CLCF1: variants seen among roughly 807,000 people sequenced by gnomAD.
CLCF1 encodes cardiotrophin-like cytokine factor 1.
CLCF1 carries 10 observed loss-of-function variants against 21.2 expected under a neutral mutation model. The observed-to-expected ratio is 0.47, with a 90% CI of 0.29 to 0.80. The LOEUF (loss-of-function observed/expected upper bound fraction) is 0.80, where lower values mean the gene tolerates loss of function less well. CLCF1 is among the 30% of genes least tolerant of loss of function. The pLI is 0.09. For synonymous variants in CLCF1, 115 were observed against 120.5 expected, an observed-to-expected ratio of 0.95 and a Z score of 0.30; for missense variants, 240 against 293.4, an observed-to-expected ratio of 0.82 and a Z score of 1.33.
intron 2 of CLCF1, among the ~76,000 whole-genome samples, chr11:67,366,044 A>C (rs542749530): frequency 6.6e-6 from 1 of 152,296 alleles, no homozygotes; most frequent in South Asian, 2.1e-4. Context: ...GAGTTCGAGA[A>C]GGCAGCAGCG....
chr11:67,368,912 C>CTTTT (rs10666079), intron 1 of CLCF1: 45,965 of 673,816 alleles, frequency 0.068, 279 homozygotes, highest in South Asian at 0.076. Context: ...TTTTTTTTTC[C>CTTTT]TTTTTTTTTT....
At chr11:67,368,012 G>A in intron 1 of CLCF1, 1 of 967,036 alleles carries the variant, frequency 1.0e-6, no homozygotes. Flanking sequence ...TTGTACCCTA[G>A]CTTCCTGCCA....
rs1367454468 is a variant in CLCF1, at chr11:67,364,548, T to TG, written c.*587dup. 6.4e-6 allele frequency: 1 copy of TG among 156,018 alleles called. No individual in the cohort carries two copies. Among genetic ancestry groups the TG allele is most frequent in the African/African-American group, 2.4e-5 (1 of 41,484 alleles). 9.7% of individuals were successfully genotyped at this position (156,018 alleles called of 1,614,324 possible). A position where few individuals can be genotyped will look rare whatever the true frequency, so the allele number is the denominator to read the frequency against. On this transcript the variant is annotated 3_prime_UTR_variant, in exon 3 of 3. Coordinates refer to ENST00000312438, the MANE Select transcript of CLCF1 (RefSeq NM_013246.3). ...TCCTGGGTCTGGTCTGGTCTGTCCC[T>TG]GCCCCTGTGCTTTCAGTATTTTCTC...
At chr11:67,370,688 C>G (rs557150570) in intron 1 of CLCF1, 7 of 985,404 alleles carry the variant, frequency 7.1e-6, no homozygotes, top group Non-Finnish European at 8.4e-6. Context: ...CACAGGCAGG[C>G]GCACCCGTGA....
In CLCF1 at chr11:67,372,052, G is replaced by A. The variant is rs80108075; in HGVS notation, c.16+1472C>T. Among the ~76,000 whole-genome samples, 3,067 of 152,212 alleles carry A rather than the reference G, an allele frequency of 0.02. 36 individuals carry two copies. Among genetic ancestry groups the A allele is most frequent in the East Asian group, 0.048 (249 of 5,170 alleles). On this transcript the variant is annotated intron_variant, in intron 1 of 2. Coordinates refer to ENST00000312438, the MANE Select transcript of CLCF1 (RefSeq NM_013246.3). The surrounding 1 kb of genome is among the most constrained non-coding windows in gnomAD (Gnocchi z 5.9). ...CCAGGAGCGCGTCTGGTCTGTTAGG[G>A]GAATATGTACTCGCATCCTGTCCGG...
chr11:67,367,738 G>A, intron 1 of CLCF1, 112 bp from the exon 2 acceptor site: 1 of 1,528,928 alleles, frequency 6.5e-7, no homozygotes, highest in Non-Finnish European at 8.8e-7. Flanking sequence ...GGGTGAGGGT[G>A]GGACACCAGA....
chr11:67,370,977 G>C, intron 1 of CLCF1: 1 of 985,452 alleles, frequency 1.0e-6, no homozygotes, highest in Non-Finnish European at 1.2e-6. Flanking sequence ...AGGAGGAAAG[G>C]CCAGACCAGG....
intron 1 of CLCF1, chr11:67,369,131 G>A (rs1862178180): frequency 1.0e-6 from 1 of 985,194 alleles, no homozygotes; most frequent in Non-Finnish European, 1.2e-6. Flanking sequence ...GTTTTGGAGA[G>A]GGCTAATAAC....
At chr11:67,370,124 G>GT (rs1198127005) in intron 1 of CLCF1, 2 of 985,294 alleles carry the variant, frequency 2.0e-6, no homozygotes, top group Non-Finnish European at 2.4e-6. Context: ...GAAAGGGGGG[G>GT]TAGAAGGACA....
At chr11:67,370,400 T>TGCC in intron 1 of CLCF1, 1 of 719,864 alleles carries the variant, frequency 1.4e-6, no homozygotes, top group Non-Finnish European at 1.7e-6. Flanking sequence ...CCACCAGTCC[T>TGCC]GGCCCCCAGC....
At chr11:67,369,503 C>T (rs942792452) in intron 1 of CLCF1, 11 of 985,312 alleles carry the variant, frequency 1.1e-5, no homozygotes, top group Non-Finnish European at 1.3e-5. Context: ...TTCCTTTCTC[C>T]TCCCTGCTCC....
chr11:67,369,689 C>G (rs1362986131), intron 1 of CLCF1: 5 of 985,344 alleles, frequency 5.1e-6, no homozygotes, highest in Non-Finnish European at 6.0e-6. Flanking sequence ...AGTGGCGAGA[C>G]CAAGGGTCCC....
chr11:67,367,347 G>T, intron 2 of CLCF1, 113 bp downstream of exon 2: 1 of 1,526,754 alleles, frequency 6.5e-7, no homozygotes, highest in Non-Finnish European at 9.0e-7. Context: ...ACTGGTGGGA[G>T]CCAAAGAGCC....
chr11:67,371,470 A>C (rs910977206), intron 1 of CLCF1, among the ~76,000 whole-genome samples: 3 of 152,222 alleles, frequency 2.0e-5, no homozygotes, highest in African/African-American at 7.2e-5. Flanking sequence ...TAAATGACAG[A>C]GGTCACTGAG....
chr11:67,365,090 G>C lies in CLCF1; in HGVS notation c.*46C>G. Reference sequence around the variant, plus strand: ...GGCATACAGGGCTGGCTCTCACAAAGTGGGAGCAGGGTTTGAAGGGGGAGC... The same window carrying C: ...GGCATACAGGGCTGGCTCTCACAAACTGGGAGCAGGGTTTGAAGGGGGAGC... On this transcript the variant is annotated 3_prime_UTR_variant, in exon 3 of 3. Coordinates refer to ENST00000312438, the MANE Select transcript of CLCF1 (RefSeq NM_013246.3). The surrounding 1 kb of genome is among the most constrained non-coding windows in gnomAD (Gnocchi z 5.0). 1 of 1,611,608 alleles carries C rather than the reference G, an allele frequency of 6.2e-7. No individual in the cohort carries two copies. Among genetic ancestry groups the C allele is most frequent in the Non-Finnish European group, 8.5e-7 (1 of 1,179,914 alleles).
chr11:67,369,303 GGGTCTT>G, intron 1 of CLCF1: 1 of 985,388 alleles, frequency 1.0e-6, no homozygotes, highest in Non-Finnish European at 1.2e-6. Flanking sequence ...ACAAGTCACA[GGGTCTT>G]GGTTTGAGGC....
chr11:67,368,912 CT>C (rs10666079), intron 1 of CLCF1: 12,383 of 670,472 alleles, frequency 0.018, 1 homozygote, highest in Non-Finnish European at 0.02. Flanking sequence ...TTTTTTTTTC[CT>C]TTTTTTTTTT....
At chr11:67,370,501 G>T (rs909703736) in intron 1 of CLCF1, 2 of 982,806 alleles carry the variant, frequency 2.0e-6, no homozygotes, top group East Asian at 1.1e-4. Context: ...GGCTGAGCAC[G>T]TGAGGAGCTA....
chr11:67,367,237 C>A (rs538503336), intron 2 of CLCF1, among the ~76,000 whole-genome samples: 1 of 152,084 alleles, frequency 6.6e-6, no homozygotes, highest in Admixed American at 6.5e-5. Context: ...TGGGCCAAGG[C>A]GGGTGCGAGG....
Sources: allele counts gnomAD v4.1 joint callset (sites outside exome capture counted in the v4.1 genomes callset), GRCh38; gene constraint gnomAD v4.1.1; non-coding constraint Gnocchi (gnomAD v3.1); transcripts MANE v1.5; gene names NCBI Gene and HGNC (gene_info 2026-07-23, HGNC 2026-07-21).